Variants in FBN1 observed in about 807,000 individuals in gnomAD.
The protein encoded by FBN1 is fibrillin-1.
A neutral mutation model predicts 365.1 loss-of-function variants in FBN1; 29 were observed. The ratio of observed to expected loss-of-function variants is 0.08; its 90% CI spans 0.06 to 0.11. FBN1 has a LOEUF of 0.11. Ranked by LOEUF, FBN1 falls within the 10% of genes least tolerant of loss-of-function variation. The probability of loss-of-function intolerance (pLI) is 1.00; values close to 1 mark genes in which losing one functional copy is unlikely to be tolerated. For missense variants in FBN1, 2,476 were observed against 3,703.2 expected (o/e 0.67, Z 8.60); for synonymous variants, 1,210 against 1,270.5 (o/e 0.95, Z 1.01).
chr15:48,456,491 T>C (rs2043239057), intron 44 of FBN1, 146 bp downstream of exon 44: 1 of 844,032 alleles, frequency 1.2e-6, no homozygotes. Flanking sequence ...GCATGAAATT[T>C]CATGTTGTTC....
At chr15:48,569,464 C>G (rs1216158577) in intron 6 of FBN1, among the ~76,000 whole-genome samples, 2 of 152,012 alleles carry the variant, frequency 1.3e-5, no homozygotes, top group Non-Finnish European at 2.9e-5. Context: ...AATTCTACAC[C>G]TAAATATCCA....
At chr15:48,578,788 T>C (rs1353753404) in intron 6 of FBN1, among the ~76,000 whole-genome samples, 3 of 132,618 alleles carry the variant, frequency 2.3e-5, no homozygotes. Context: ...TTCTCACTCA[T>C]AGGTGGGAAT....
intron 65 of FBN1, 109 bp from the exon 66 acceptor site, chr15:48,411,488 T>G (rs1407441457): frequency 2.1e-6 from 2 of 960,194 alleles, no homozygotes; most frequent in Non-Finnish European, 1.7e-6. Flanking sequence ...TTCTGCCTTA[T>G]GCTGCATACA....
At chr15:48,583,873 G>T (rs1000246001) in intron 6 of FBN1, among the ~76,000 whole-genome samples, 2 of 152,150 alleles carry the variant, frequency 1.3e-5, no homozygotes, top group East Asian at 3.8e-4. Flanking sequence ...AAAAGCACAC[G>T]GTTGATGTGC....
intron 29 of FBN1, 109 bp downstream of exon 29, chr15:48,486,966 A>G (rs1471038809): frequency 4.7e-6 from 4 of 857,952 alleles, no homozygotes; most frequent in Middle Eastern, 4.0e-4. Flanking sequence ...CAGAGTACAT[A>G]GAGTGTTTTA....
chr15:48,629,979 T>C (rs1368803633), intron 2 of FBN1, among the ~76,000 whole-genome samples: 1 of 152,222 alleles, frequency 6.6e-6, no homozygotes, highest in Non-Finnish European at 1.5e-5. Flanking sequence ...ATGTGTACCA[T>C]GTTAAATCAG....
intron 2 of FBN1, among the ~76,000 whole-genome samples, chr15:48,624,472 C>T (rs756185173): frequency 3.9e-5 from 6 of 152,310 alleles, no homozygotes; most frequent in Middle Eastern, 3.4e-3. Context: ...AAAGTTGCTC[C>T]CATACATGGG....
chr15:48,428,976 G>T (rs1051723288), intron 56 of FBN1, among the ~76,000 whole-genome samples: 1 of 152,174 alleles, frequency 6.6e-6, no homozygotes, highest in African/African-American at 2.4e-5. Context: ...TCCTTCCAGA[G>T]CTGGATTATG....
In FBN1 at chr15:48,421,640, G is replaced by A. The variant is rs1388794275; in HGVS notation, c.7617C>T (p.Gly2539=). The part of the protein sequence containing the change: ...TSDINLCGSK[G]ICQNTPGSFT... ...AGCTTCCAGGAGTGTTCTGGCAAAT[G>A]CCCTTAGACCCGCACAGATTGATGT... The change falls in exon 62 of 66, where the codon GGC becomes GGT. Residue 2539 remains glycine (G), a synonymous_variant. Transcript: ENST00000316623. The A allele has an allele frequency of 4.3e-6, 7 of 1,613,774 alleles. No individual in the cohort carries two copies. The highest frequency in any genetic ancestry group is 5.9e-6 in the Non-Finnish European group (7 of 1,179,930).
intron 2 of FBN1, among the ~76,000 whole-genome samples, chr15:48,624,554 GA>G (rs1019674009): frequency 6.6e-6 from 1 of 152,330 alleles, no homozygotes; most frequent in Admixed American, 6.5e-5. Context: ...CTTCCAAACA[GA>G]AAATCCAGCT....
intron 2 of FBN1, among the ~76,000 whole-genome samples, chr15:48,617,812 T>C (rs1390919457): frequency 2.6e-5 from 4 of 152,214 alleles, no homozygotes; most frequent in Non-Finnish European, 5.9e-5. Flanking sequence ...GTGCAAGATG[T>C]CTGCAGTGTG....
chr15:48,511,256 A>C (rs918017399), intron 13 of FBN1, among the ~76,000 whole-genome samples: 11 of 152,154 alleles, frequency 7.2e-5, no homozygotes, highest in African/African-American at 2.7e-4. Flanking sequence ...AGTGGTTTCC[A>C]CACAAGTCAT....
chr15:48,536,765 A>G (rs1051581393), intron 7 of FBN1, among the ~76,000 whole-genome samples: 4 of 152,234 alleles, frequency 2.6e-5, no homozygotes, highest in Admixed American at 6.5e-5. Flanking sequence ...ACTAAGCTCA[A>G]GTTCTGTTTT....
intron 6 of FBN1, among the ~76,000 whole-genome samples, chr15:48,542,682 T>A (rs1041115320): frequency 1.3e-5 from 2 of 152,094 alleles, no homozygotes; most frequent in African/African-American, 4.8e-5. Flanking sequence ...TCCCCCAGTT[T>A]TCCCCATGGA....
At chr15:48,531,953 C>T (rs780833942) in intron 8 of FBN1, among the ~76,000 whole-genome samples, 6 of 152,128 alleles carry the variant, frequency 3.9e-5, no homozygotes, top group Non-Finnish European at 5.9e-5. Flanking sequence ...CCAAAATAGT[C>T]TGTTTTTATC....
At chr15:48,571,985 A>C (rs2140672823) in intron 6 of FBN1, among the ~76,000 whole-genome samples, 1 of 152,334 alleles carries the variant, frequency 6.6e-6, no homozygotes, top group Admixed American at 6.5e-5. Flanking sequence ...AATAGAAACT[A>C]GAAGGAAATA....
intron 7 of FBN1, among the ~76,000 whole-genome samples, chr15:48,537,125 C>A (rs1448731474): frequency 6.6e-6 from 1 of 152,084 alleles, no homozygotes; most frequent in African/African-American, 2.4e-5. Flanking sequence ...TGAAACAAAT[C>A]CTAATTTATT....
chr15:48,473,420 GCT>G (rs2043393705), intron 34 of FBN1, among the ~76,000 whole-genome samples: 1 of 152,162 alleles, frequency 6.6e-6, no homozygotes, highest in Non-Finnish European at 1.5e-5. Flanking sequence ...TAACTCCAGA[GCT>G]CTGATATAAA....
At chr15:48,563,197 A>C (rs752896427) in intron 6 of FBN1, among the ~76,000 whole-genome samples, 1 of 152,196 alleles carries the variant, frequency 6.6e-6, no homozygotes, top group Non-Finnish European at 1.5e-5. Context: ...GGCACTGAAG[A>C]TATGGGTGAA....
Sources: gnomAD v4.1 joint callset for allele counts (sites outside exome capture counted in the v4.1 genomes callset) on GRCh38, gnomAD v4.1.1 for gene constraint, MANE v1.5 for transcripts, NCBI Gene and HGNC (gene_info 2026-07-23, HGNC 2026-07-21) for gene names.